RSKR: variants seen among roughly 807,000 people sequenced by gnomAD.
RSKR encodes ribosomal protein S6 kinase-related protein.
In RSKR, 44 loss-of-function variants were observed where a neutral mutation model predicts 56.8. The ratio of observed to expected loss-of-function variants is 0.77; its 90% confidence interval spans 0.61 to 1.00. The LOEUF (loss-of-function observed/expected upper bound fraction) is 1.00, where lower values mean the gene tolerates loss of function less well. Ranked by LOEUF, RSKR falls within the 50% of genes least tolerant of loss-of-function variation. The pLI, the probability that RSKR is intolerant of heterozygous loss-of-function variation, is 0.00. For synonymous variants in RSKR, 181 were observed against 188.0 expected (o/e 0.96, Z 0.30); for missense variants, 510 against 506.9 (o/e 1.01, Z -0.06).
Position 28,612,609 on chromosome 17 carries a change from GTCAC to G in RSKR, c.547+5_547+8del. On this transcript the variant is annotated splice_donor_5th_base_variant and intron_variant, in intron 5 of 11. Coordinates refer to ENST00000301037, the MANE Select transcript of RSKR (RefSeq NM_001174103.2). ...CCCTGGGGGATGAGGAGAGAGTCCAGTCACTCACTAATGAAAAGGTGCCGTTTTC... is the reference window on the plus strand; with the variant it reads ...CCCTGGGGGATGAGGAGAGAGTCCAGTCACTAATGAAAAGGTGCCGTTTTC... 6.2e-7 allele frequency: 1 copy of G among 1,613,212 alleles called. No individual in the cohort carries two copies. Among genetic ancestry groups the G allele is most frequent in the Non-Finnish European group, 8.5e-7 (1 of 1,179,178 alleles).
Position 28,608,225 on chromosome 17 carries a change from T to A in RSKR, c.*2253A>T, listed in dbSNP as rs2070768781. ...AATACAATCAGCTGAATATTTAGTGTCCTTAAGGTAAAAACCAAACAGCAA... is the reference window on the plus strand; with the variant it reads ...AATACAATCAGCTGAATATTTAGTGACCTTAAGGTAAAAACCAAACAGCAA... On this transcript the variant is annotated 3_prime_UTR_variant, in exon 12 of 12. Coordinates refer to ENST00000301037, the MANE Select transcript of RSKR (RefSeq NM_001174103.2). The A allele has an allele frequency of 6.6e-6, 1 of 152,154 alleles. No homozygotes were observed. The highest frequency in any genetic ancestry group is 1.5e-5 in the Non-Finnish European group (1 of 68,036). The allele number at this position is 152,154 out of a possible 1,614,324, so 9.4% of individuals were successfully genotyped here.
In RSKR at chr17:28,610,578, G is replaced by T. The variant is rs747677819; in HGVS notation, c.1133C>A (p.Thr378Lys). The T allele has an allele frequency of 2.0e-6, 3 of 1,536,022 alleles. No individual in the cohort carries two copies. In the Admixed American group the frequency reaches 5.9e-5, roughly 30 times the overall value. Residue 378 changes from threonine to lysine, a missense_variant, in exon 12 of 12, where the codon ACG becomes AAG. Coordinates refer to ENST00000301037, the MANE Select transcript of RSKR (RefSeq NM_001174103.2). ...LLQKQPVNFV[T>K]ETQATQPSSA... is the part of the protein sequence containing the mutation. ...ACTGGGCTGGGTAGCTTGTGTCTCC[G>T]TGACAAAGTTCACTGGCTGCTTCTG... is the stretch of plus-strand genomic sequence containing the variant.
rs181700974 is a variant in RSKR, at chr17:28,608,424, C to G, written c.*2054G>C. On this transcript the variant is annotated 3_prime_UTR_variant, in exon 12 of 12. Transcript: ENST00000301037. ...AGGCTGGATGCAGTGGCACGATCTT[C>G]ACTCATTGCAACCTCCATCTCCTGG... 4 of 152,314 alleles carry G rather than the reference C, an allele frequency of 2.6e-5. No individual in the cohort carries two copies. The East Asian group carries it at 7.7e-4, about 29-fold the overall frequency. The allele number at this position is 152,314 out of a possible 1,614,324, so 9.4% of individuals were successfully genotyped here.
rs2070802766 is a variant in RSKR at position 28,610,894 on chromosome 17, A to G, written c.1012-195T>C. 6.0e-6 allele frequency: 4 copies of G among 671,092 alleles called. No individual in the cohort carries two copies. In the South Asian group the frequency reaches 7.9e-5, roughly 13 times the overall value. The allele number at this position is 671,092 out of a possible 1,614,324, so 41.6% of individuals were successfully genotyped here. A position where few individuals can be genotyped will look rare whatever the true frequency, so the allele number is the denominator to read the frequency against. On this transcript the variant is annotated intron_variant, in intron 11 of 11. Coordinates refer to ENST00000301037, the MANE Select transcript of RSKR (RefSeq NM_001174103.2). ...GTGGGAATAAGGAGCTGTGCTTGTGAGTTTTCAGATGAGTGTACAGTGTTC... is the reference window on the plus strand; with the variant it reads ...GTGGGAATAAGGAGCTGTGCTTGTGGGTTTTCAGATGAGTGTACAGTGTTC...
chr17:28,611,279 G>A (rs951919956), intron 10 of RSKR, 26 bp from the exon 11 acceptor site: 22 of 1,532,422 alleles, frequency 1.4e-5, no homozygotes, highest in Admixed American at 2.0e-5. Flanking sequence ...GGGAGTGGAG[G>A]TAGGGGTAGG....
chr17:28,612,041 T>C lies in RSKR; in HGVS notation c.693+3A>G. ...ACAAAGGGAAAAAAGCACTTAACTC[T>C]ACCTTCACATCTCGATGCATGATGC... On this transcript the variant is annotated splice_donor_region_variant and intron_variant, in intron 7 of 11. Coordinates refer to ENST00000301037, the MANE Select transcript of RSKR (RefSeq NM_001174103.2). 1 of 1,614,184 alleles carries C rather than the reference T, an allele frequency of 6.2e-7. No individual in the cohort carries two copies.
Position 28,613,922 on chromosome 17 carries a change from A to G in RSKR, c.75+165T>C, listed in dbSNP as rs1597610225. 15 of 999,042 alleles carry G rather than the reference A, an allele frequency of 1.5e-5. No individual in the cohort carries two copies. The East Asian group carries it at 3.8e-4, about 25-fold the overall frequency. The allele number at this position is 999,042 out of a possible 1,614,324, so 61.9% of individuals were successfully genotyped here. ...TTTCACCATGACGCATTAAGAGTAC[A>G]GCCTGCACCTCAGTATTGGGCTGTG... On this transcript the variant is annotated intron_variant, in intron 1 of 11. Coordinates refer to ENST00000301037, the MANE Select transcript of RSKR (RefSeq NM_001174103.2).
At chr17:28,612,122 T>G (rs1567633447) in intron 6 of RSKR, 38 bp from the exon 7 acceptor site, 3 of 1,611,906 alleles carry the variant, frequency 1.9e-6, no homozygotes, top group Non-Finnish European at 2.5e-6. Context: ...GCAGCTTTTC[T>G]GTCCTTTCCA....
Position 28,613,540 on chromosome 17 carries a change from A to T in RSKR, c.224T>A (p.Leu75Gln). 2 of 1,614,204 alleles carry T rather than the reference A, an allele frequency of 1.2e-6. No homozygotes were observed. The highest frequency in any genetic ancestry group is 1.7e-6 in the Non-Finnish European group (2 of 1,180,034). Residue 75 changes from leucine to glutamine, a missense_variant, in exon 2 of 12, where the codon CTG becomes CAG. Transcript: ENST00000301037. ...HQESLKPAPV[L>Q]VEKPLPEWPV... ...CCACTCTGGCAGAGGCTTCTCTACC[A>T]GTACTGGGGCTGGCTTTAGGGATTC... is the stretch of plus-strand genomic sequence containing the variant.
chr17:28,613,319 G>A lies in RSKR; in HGVS notation c.351C>T (p.Ser117=). ...CTAGCACCTTGAGGACAGTTCCAAA[G>A]GAGCCTTTAGCCACGAGGCCTAAAA... ...LKILGLVAKG[S]FGTVLKVLDC... is the part of the protein sequence containing the mutation. The change falls in exon 3 of 12, where the codon TCC becomes TCT. Residue 117 remains serine (S), a synonymous_variant. Coordinates refer to ENST00000301037, the MANE Select transcript of RSKR (RefSeq NM_001174103.2). The A allele has an allele frequency of 1.2e-6, 2 of 1,614,220 alleles. No homozygotes were observed. The highest frequency in any genetic ancestry group is 8.5e-7 in the Non-Finnish European group (1 of 1,180,050).
At chr17:28,612,215 G>T in intron 6 of RSKR, 47 bp downstream of exon 6, 1 of 1,602,206 alleles carries the variant, frequency 6.2e-7, no homozygotes, top group Non-Finnish European at 8.5e-7. Context: ...TCCTTCTTCC[G>T]AACTTAAATC....
rs760802544 is a variant in RSKR at position 28,612,313 on chromosome 17, A to G, written c.601T>C (p.Phe201Leu). The change falls in exon 6 of 12, where the codon TTT (phenylalanine) becomes CTT (leucine). Residue 201 changes from phenylalanine to leucine, a missense_variant. Transcript: ENST00000301037. Reference sequence around the variant, plus strand: ...AAGAGACGGATGGAAGCCTCAGGAAAGCAGCCAACAGCCGACCAAAGGGAG... The same window carrying G: ...AAGAGACGGATGGAAGCCTCAGGAAGGCAGCCAACAGCCGACCAAAGGGAG... ...LYSLWSAVGCFPEASIRLFAA... is the reference protein window; with the variant it reads ...LYSLWSAVGCLPEASIRLFAA... 1 of 1,614,226 alleles carries G rather than the reference A, an allele frequency of 6.2e-7. No homozygotes were observed. The highest frequency in any genetic ancestry group is 1.1e-5 in the South Asian group (1 of 91,086).
rs1293670680 is a variant in RSKR, at chr17:28,613,253, C to T, written c.408+9G>A. The T allele has an allele frequency of 1.1e-5, 18 of 1,613,980 alleles. No homozygotes were observed. The highest frequency in any genetic ancestry group is 4.0e-5 in the African/African-American group (3 of 74,936). On this transcript the variant is annotated intron_variant, in intron 3 of 11. Coordinates refer to ENST00000301037, the MANE Select transcript of RSKR (RefSeq NM_001174103.2). ...GAAACAGAGACTAATGTGGTATCTA[C>T]GCCCCTACCTTCACTGCAAATACAG...
At chr17:28,611,352 G>A in intron 10 of RSKR, 41 bp downstream of exon 10, 3 of 1,537,430 alleles carry the variant, frequency 2.0e-6, no homozygotes, top group Non-Finnish European at 2.6e-6. Flanking sequence ...CCACCACAAG[G>A]CAAAGCTCTT....
rs1018149800 is a variant in RSKR at position 28,611,291 on chromosome 17, G to T, written c.901-38C>A. The T allele has an allele frequency of 5.9e-6, 9 of 1,531,686 alleles. No individual in the cohort carries two copies. In the African/African-American group the frequency reaches 1.2e-4, roughly 21 times the overall value. The allele number at this position is 1,531,686 out of a possible 1,614,324, so 94.9% of individuals were successfully genotyped here. A position where few individuals can be genotyped will look rare whatever the true frequency, so the allele number is the denominator to read the frequency against. ...GTAGGGAGTGGAGGTAGGGGTAGGG[G>T]TTCATTCCTTAGTAGGAATACGGCA... is the stretch of plus-strand genomic sequence containing the variant. On this transcript the variant is annotated intron_variant, in intron 10 of 11. Transcript: ENST00000301037.
At position 28,610,439 on chromosome 17, in the gene RSKR, T is replaced by A. The variant is rs1248941805; in HGVS notation, c.*39A>T. The A allele has an allele frequency of 6.6e-7, 1 of 1,518,772 alleles. No homozygotes were observed. The highest frequency in any genetic ancestry group is 2.5e-5 in the East Asian group (1 of 40,768). The allele number at this position is 1,518,772 out of a possible 1,614,324, so 94.1% of individuals were successfully genotyped here. On this transcript the variant is annotated 3_prime_UTR_variant, in exon 12 of 12. Transcript: ENST00000301037. ...ACTGAGTAGGCAGGGATGGAGATCT[T>A]CAGGCTCCCAGCCGGGCCCCAATTT...
chr17:28,611,608 C>T lies in RSKR; in HGVS notation c.770G>A (p.Gly257Glu). The change falls in exon 9 of 12, where the codon GGA becomes GAA. Residue 257 changes from glycine (G) to glutamate (E), a missense_variant. Gly to Glu is a moderately conservative substitution (Grantham distance 98). Transcript: ENST00000301037. ...GCCACAGATAGTGTAGGCTTGAGCT[C>T]CCTGGGGCACGTGGCGGGACAGACC... ...DFGLSRHVPQ[G>E]AQAYTICGTL... 17 of 1,567,682 alleles carry T rather than the reference C, an allele frequency of 1.1e-5. No individual in the cohort carries two copies. The highest frequency in any genetic ancestry group is 1.5e-5 in the Non-Finnish European group (17 of 1,159,384).
rs770405204 is a variant in RSKR at position 28,613,586 on chromosome 17, C to T, written c.178G>A (p.Gly60Arg). ...GATTCCTGGTGCAGATAGTGGTGCC[C>T]CCGTAGTTCCCAGAGTTCTTCCAGA... Reference protein sequence around the residue: ...SDLEELWELRGHHYLHQESLK... With the variant: ...SDLEELWELRRHHYLHQESLK... Residue 60 changes from glycine (G) to arginine (R), a missense_variant, in exon 2 of 12, where the codon GGG (glycine) becomes AGG (arginine). Transcript: ENST00000301037. 9.3e-6 allele frequency: 15 copies of T among 1,614,020 alleles called. No individual in the cohort carries two copies. In the Admixed American group the frequency reaches 1.0e-4, roughly 11 times the overall value.
rs4795451 is a variant in RSKR at position 28,610,669 on chromosome 17, G to A, written c.1042C>T (p.Arg348Cys). Reference sequence around the variant, plus strand: ...TGGACCTGGAAGTGATGCAGATAACGTAGACGATGGAGGGGGTTCTGGCAT... The same window carrying A: ...TGGACCTGGAAGTGATGCAGATAACATAGACGATGGAGGGGGTTCTGGCAT... ...LLCQNPLHRL[R>C]YLHHFQVHPF... is the part of the protein sequence containing the mutation. Residue 348 changes from arginine to cysteine, a missense_variant, in exon 12 of 12, where the codon CGT becomes TGT. Physicochemically the swap from Arg to Cys is radical, Grantham distance 180 (BLOSUM62 -3). Coordinates refer to ENST00000301037, the MANE Select transcript of RSKR (RefSeq NM_001174103.2). 1.4e-5 allele frequency: 21 copies of A among 1,536,142 alleles called. No individual in the cohort carries two copies. The highest frequency in any genetic ancestry group is 1.4e-4 in the African/African-American group (10 of 73,154).
Sources: allele counts gnomAD v4.1 joint callset, GRCh38; gene constraint gnomAD v4.1.1; transcripts MANE v1.5; gene names NCBI Gene and HGNC (gene_info 2026-07-23, HGNC 2026-07-21).